Variants in SMYD3 observed in about 807,000 individuals in gnomAD.
SMYD3 encodes the protein SET and MYND domain containing 3.
Under a neutral mutation model 57.7 loss-of-function variants are expected in SMYD3, and 36 were observed. The ratio of observed to expected loss-of-function variants is 0.62; its 90% CI spans 0.48 to 0.82. The LOEUF (loss-of-function observed/expected upper bound fraction) is 0.82. Ranked by LOEUF, SMYD3 falls within the 40% of genes least tolerant of loss-of-function variation. The pLI, the probability that SMYD3 is intolerant of heterozygous loss-of-function variation, is 0.00. For missense variants in SMYD3, 515 were observed against 538.8 expected, an observed-to-expected ratio of 0.96 and a Z score of 0.44; for synonymous variants, 211 against 195.0, an observed-to-expected ratio of 1.08 and a Z score of -0.68.
At chr1:246,411,903 T>C (rs1207662621) in intron 1 of SMYD3, among the ~76,000 whole-genome samples, 1 of 147,682 alleles carries the variant, frequency 6.8e-6, no homozygotes, top group Non-Finnish European at 1.5e-5. Context: ...TGCAGCACAC[T>C]AACATGGCAC....
In SMYD3 at chr1:245,973,083, G is replaced by T. The variant is rs541079475; in HGVS notation, c.532-43146C>A. On this transcript the variant is annotated intron_variant, in intron 5 of 11. Coordinates refer to ENST00000490107, the MANE Select transcript of SMYD3 (RefSeq NM_001167740.2). ...AGTTCCCTTCTTACACACATTGAAG[G>T]TTCCACGGCCACAGACACAAACTGC... Among the ~76,000 whole-genome samples the T allele has an allele frequency of 1.4e-4, 21 of 152,258 alleles. No individual in the cohort carries two copies. The East Asian group carries it at 3.9e-3, about 28-fold the overall frequency.
chr1:246,420,810 A>C (rs1193972845), intron 1 of SMYD3, among the ~76,000 whole-genome samples: 4 of 152,242 alleles, frequency 2.6e-5, no homozygotes, highest in African/African-American at 9.6e-5. Flanking sequence ...GCCGTGGAGC[A>C]GGGCAAAAAA....
rs80019247 is a variant in SMYD3 at position 246,299,639 on chromosome 1, T to C, written c.531+27562A>G. 3.3e-4 allele frequency among the ~76,000 whole-genome samples: 50 copies of C among 152,196 alleles called. No individual in the cohort carries two copies. In the East Asian group the frequency reaches 8.7e-3, roughly 26 times the overall value. On this transcript the variant is annotated intron_variant, in intron 5 of 11. Coordinates refer to ENST00000490107, the MANE Select transcript of SMYD3 (RefSeq NM_001167740.2). ...TTTTTAAAATGTGGTACATATGCAC[T>C]GGGGAATACTAAGCAGCCATAAAAA...
chr1:246,108,882 C>T (rs2061178335), intron 5 of SMYD3, among the ~76,000 whole-genome samples: 1 of 152,202 alleles, frequency 6.6e-6, no homozygotes, highest in Non-Finnish European at 1.5e-5. Flanking sequence ...TTCTCTTTCT[C>T]AGAAGGTCCT....
intron 1 of SMYD3, among the ~76,000 whole-genome samples, chr1:246,408,192 C>T (rs1426228984): frequency 1.3e-5 from 2 of 152,114 alleles, no homozygotes; most frequent in East Asian, 1.9e-4. Context: ...AGGACACAAA[C>T]ACTCTGACCA....
rs75066090 is a variant in SMYD3, at chr1:246,330,256, G to C, written c.394+224C>G. ...TGGACTAATGGTTACACTACCCCAT[G>C]TAACCTGAACATCTTCATGGCGCTT... On this transcript the variant is annotated intron_variant, in intron 4 of 11. Transcript: ENST00000490107. 0.026 allele frequency among the ~76,000 whole-genome samples: 3,903 copies of C among 152,314 alleles called. 79 individuals carry two copies. The highest frequency in any genetic ancestry group is 0.04 in the Non-Finnish European group (2,700 of 68,030).
At chr1:246,013,699 C>T (rs2059327180) in intron 5 of SMYD3, among the ~76,000 whole-genome samples, 1 of 152,052 alleles carries the variant, frequency 6.6e-6, no homozygotes, top group Admixed American at 6.6e-5. Flanking sequence ...GACAGTCTGG[C>T]ATGTGTAGCT....
rs1436199372 is a variant in SMYD3 at position 245,856,672 on chromosome 1, G to C, written c.1076+1824C>G. 2.6e-5 allele frequency among the ~76,000 whole-genome samples: 4 copies of C among 152,274 alleles called. No individual in the cohort carries two copies. The Middle Eastern group carries it at 0.01, about 391-fold the overall frequency. On this transcript the variant is annotated intron_variant, in intron 10 of 11. Coordinates refer to ENST00000490107, the MANE Select transcript of SMYD3 (RefSeq NM_001167740.2). Reference sequence around the variant, plus strand: ...ACGTGCAGAACAGACACCCGTGTAGGTGTGTGGTCTTCTTTATGGATGTGG... The same window carrying C: ...ACGTGCAGAACAGACACCCGTGTAGCTGTGTGGTCTTCTTTATGGATGTGG...
At chr1:245,786,149 C>T (rs1158080197) in intron 10 of SMYD3, among the ~76,000 whole-genome samples, 1 of 124,500 alleles carries the variant, frequency 8.0e-6, no homozygotes, top group Non-Finnish European at 1.6e-5. Context: ...TAAAAACTTA[C>T]CATGATAACT....
At chr1:246,206,202 A>G (rs910121931) in intron 5 of SMYD3, among the ~76,000 whole-genome samples, 1 of 152,188 alleles carries the variant, frequency 6.6e-6, no homozygotes, top group African/African-American at 2.4e-5. Flanking sequence ...ACTTAAGCCT[A>G]AAATAAATTT....
chr1:246,472,836 C>T (rs550808984), intron 1 of SMYD3, among the ~76,000 whole-genome samples: 1 of 150,830 alleles, frequency 6.6e-6, no homozygotes, highest in African/African-American at 2.4e-5. Flanking sequence ...GAGTCTCCCG[C>T]AGTTACTCTC....
chr1:246,418,584 G>A (rs1191531972), intron 1 of SMYD3, among the ~76,000 whole-genome samples: 1 of 152,126 alleles, frequency 6.6e-6, no homozygotes, highest in Non-Finnish European at 1.5e-5. Flanking sequence ...TTCTTGCTTT[G>A]GTGAACTGGA....
intron 5 of SMYD3, among the ~76,000 whole-genome samples, chr1:246,272,146 T>C (rs2064236258): frequency 6.6e-6 from 1 of 151,888 alleles, no homozygotes; most frequent in Non-Finnish European, 1.5e-5. Context: ...CCCAATACTT[T>C]GTTTAATTCA....
intron 10 of SMYD3, among the ~76,000 whole-genome samples, chr1:245,832,112 G>A (rs911608424): frequency 6.6e-6 from 1 of 152,164 alleles, no homozygotes; most frequent in African/African-American, 2.4e-5. Flanking sequence ...GTCCAGAAAG[G>A]ATCTGTCTGT....
intron 5 of SMYD3, among the ~76,000 whole-genome samples, chr1:246,210,613 G>A (rs909279799): frequency 2.6e-5 from 4 of 151,928 alleles, no homozygotes; most frequent in South Asian, 2.1e-4. Context: ...AGGAGGCTGA[G>A]GCAGGAGAAT....
chr1:246,041,818 GA>G (rs755343940), intron 5 of SMYD3, among the ~76,000 whole-genome samples: 7,892 of 142,694 alleles, frequency 0.055, 528 homozygotes, highest in African/African-American at 0.16. Context: ...TCTTTATTGG[GA>G]AAAAAAAAAA....
At chr1:245,926,461 G>A (rs1346782457) in intron 7 of SMYD3, among the ~76,000 whole-genome samples, 1 of 152,128 alleles carries the variant, frequency 6.6e-6, no homozygotes, top group Non-Finnish European at 1.5e-5. Flanking sequence ...AGTACCACAG[G>A]GAAAAATATC....
chr1:245,881,128 C>T (rs2052757148), intron 8 of SMYD3, among the ~76,000 whole-genome samples: 2 of 152,142 alleles, frequency 1.3e-5, no homozygotes, highest in South Asian at 4.1e-4. Flanking sequence ...GATATTCATG[C>T]TTTTGACCAG....
intron 5 of SMYD3, among the ~76,000 whole-genome samples, chr1:246,046,495 G>GTA (rs2059967822): frequency 6.6e-6 from 1 of 151,970 alleles, no homozygotes; most frequent in Admixed American, 6.6e-5. Context: ...GGAGTGGGGA[G>GTA]GGATAGCATT....
Sources: gnomAD v4.1 joint callset for allele counts (sites outside exome capture counted in the v4.1 genomes callset) on GRCh38, gnomAD v4.1.1 for gene constraint, MANE v1.5 for transcripts, NCBI Gene and HGNC (gene_info 2026-07-23, HGNC 2026-07-21) for gene names.